Variants in PTPRZ1 observed in about 807,000 individuals in gnomAD.
The protein encoded by PTPRZ1 is receptor-type tyrosine-protein phosphatase zeta.
Under a neutral mutation model 214.1 loss-of-function variants are expected in PTPRZ1, and 82 were observed. The ratio of observed to expected loss-of-function variants is 0.38; its 90% CI spans 0.32 to 0.46. The LOEUF (loss-of-function observed/expected upper bound fraction) is 0.46, where lower values mean the gene tolerates loss of function less well. PTPRZ1 is among the 20% of genes least tolerant of loss of function. The pLI is 1.00. For synonymous variants in PTPRZ1, 945 were observed against 987.9 expected (o/e 0.96, Z 0.81); for missense variants, 2,603 against 2,748.7 (o/e 0.95, Z 1.19).
In PTPRZ1 at chr7:121,996,536, T is replaced by A. The variant is rs1444246330; in HGVS notation, c.1083T>A (p.His361Gln). 6.4e-7 allele frequency: 1 copy of A among 1,563,726 alleles called. No homozygotes were observed. Among genetic ancestry groups the A allele is most frequent in the South Asian group, 1.1e-5 (1 of 89,756 alleles). Residue 361 changes from histidine (H) to glutamine (Q), a missense_variant, in exon 9 of 30, where the codon CAT becomes CAA. By Grantham distance (24) the His-to-Gln change is conservative. Around this residue, in one of 6 missense-constraint regions of PTPRZ1, gnomAD observed 244 missense variants for 333.2 expected, o/e 0.73. Transcript: ENST00000393386. The stretch of plus-strand genomic sequence containing the variant: ...TGGATGGAGAGGACCAAACCAAGCA[T>A]GAATTTTTGACAGATGGCTATCAAG... ...QQLDGEDQTK[H>Q]EFLTDGYQDL...
intron 24 of PTPRZ1, 26 bp downstream of exon 24, chr7:122,051,547 A>G: frequency 6.3e-7 from 1 of 1,582,436 alleles, no homozygotes; most frequent in Non-Finnish European, 8.6e-7. Flanking sequence ...CCTTGAAAAA[A>G]CAACTTTTTT....
In PTPRZ1 at chr7:122,040,934, C is replaced by T; in HGVS notation, c.5756C>T (p.Ala1919Val). 1.3e-6 allele frequency: 2 copies of T among 1,598,402 alleles called. No individual in the cohort carries two copies. Among genetic ancestry groups the T allele is most frequent in the Non-Finnish European group, 8.6e-7 (1 of 1,168,548 alleles). The change falls in exon 21 of 30, where the codon GCC (alanine) becomes GTC (valine). Residue 1919 changes from alanine to valine, a missense_variant. Transcript: ENST00000393386. Reference sequence around the variant, plus strand: ...GTGCTGACCTTTGTGAGAAAGGCAGCCTATGCCAAGCGCCATGCAGTGGGG... The same window carrying T: ...GTGCTGACCTTTGTGAGAAAGGCAGTCTATGCCAAGCGCCATGCAGTGGGG... Reference protein sequence around the residue: ...LPVLTFVRKAAYAKRHAVGPV... With the variant: ...LPVLTFVRKAVYAKRHAVGPV...
At chr7:121,971,683 G>T (rs1022293292) in intron 3 of PTPRZ1, among the ~76,000 whole-genome samples, 1 of 152,160 alleles carries the variant, frequency 6.6e-6, no homozygotes. Flanking sequence ...ATAGTTCATG[G>T]TACATCGTAA....
chr7:121,969,991 C>T (rs548976049), intron 3 of PTPRZ1, among the ~76,000 whole-genome samples: 1 of 142,146 alleles, frequency 7.0e-6, no homozygotes, highest in East Asian at 2.2e-4. Flanking sequence ...GTGATGTTCC[C>T]CTTCCTGTGT....
intron 4 of PTPRZ1, among the ~76,000 whole-genome samples, chr7:121,972,982 T>C (rs1328861038): frequency 6.6e-6 from 1 of 152,184 alleles, no homozygotes; most frequent in Non-Finnish European, 1.5e-5. Flanking sequence ...GGAGAATCCT[T>C]TGATTTAAAT....
chr7:122,024,991 A>C (rs1205979317), intron 13 of PTPRZ1, among the ~76,000 whole-genome samples: 1 of 152,146 alleles, frequency 6.6e-6, no homozygotes, highest in Admixed American at 6.5e-5. Context: ...ATTGAGGCTA[A>C]GGTAGGTAAG....
chr7:121,923,841 T>C (rs958037452), intron 1 of PTPRZ1, among the ~76,000 whole-genome samples: 3 of 151,980 alleles, frequency 2.0e-5, no homozygotes, highest in Admixed American at 6.6e-5. Flanking sequence ...AATAAATATA[T>C]GTATTTTTAT....
chr7:121,927,084 T>C (rs1795787279), intron 1 of PTPRZ1, among the ~76,000 whole-genome samples: 1 of 152,148 alleles, frequency 6.6e-6, no homozygotes, highest in Non-Finnish European at 1.5e-5. Flanking sequence ...TTCTGAAATG[T>C]CCTTGAGATA....
chr7:121,964,416 A>T (rs1386287547), intron 2 of PTPRZ1, among the ~76,000 whole-genome samples: 1 of 152,180 alleles, frequency 6.6e-6, no homozygotes, highest in East Asian at 1.9e-4. Flanking sequence ...AGCCCCTTAT[A>T]AAACCAGAAG....
rs1266940683 is a variant in PTPRZ1 at position 121,996,366 on chromosome 7, T to A, written c.929-16T>A. The A allele has an allele frequency of 1.9e-6, 3 of 1,571,416 alleles. No homozygotes were observed. Among genetic ancestry groups the A allele is most frequent in the Non-Finnish European group, 2.6e-6 (3 of 1,157,662 alleles). ...GGCTAAGTTCTATCAACAACTGTAC[T>A]TTTTTCTCTCTGAAGTTTGTAGTTC... On this transcript the variant is annotated splice_polypyrimidine_tract_variant and intron_variant, in intron 8 of 29. Coordinates refer to ENST00000393386, the MANE Select transcript of PTPRZ1 (RefSeq NM_002851.3).
rs141561756 is a variant in PTPRZ1 at position 121,997,990 on chromosome 7, G to T, written c.1224G>T (p.Met408Ile). 1 of 1,612,694 alleles carries T rather than the reference G, an allele frequency of 6.2e-7. No homozygotes were observed. The highest frequency in any genetic ancestry group is 1.3e-5 in the African/African-American group (1 of 74,858). The change falls in exon 10 of 30, where the codon ATG becomes ATT. Residue 408 changes from methionine to isoleucine, a missense_variant. Physicochemically the swap from Met to Ile is conservative, Grantham distance 10. Around this residue, in one of 6 missense-constraint regions of PTPRZ1, gnomAD observed 244 missense variants for 333.2 expected, o/e 0.73. Transcript: ENST00000393386. ...GKYSDQLIVD[M>I]PTDNPELDLF... ...ACAGCGACCAACTGATTGTCGACAT[G>T]CCTACTGATAATCCTGGTAAGTGCC...
intron 2 of PTPRZ1, among the ~76,000 whole-genome samples, chr7:121,956,719 G>A (rs1235673093): frequency 2.0e-5 from 3 of 152,208 alleles, no homozygotes; most frequent in African/African-American, 7.2e-5. Context: ...CTGGAAGGTG[G>A]AAAGGGAGAA....
intron 1 of PTPRZ1, among the ~76,000 whole-genome samples, chr7:121,886,953 C>T (rs533760289): frequency 7.9e-5 from 12 of 152,222 alleles, no homozygotes; most frequent in African/African-American, 2.6e-4. Context: ...GCTACCTGTC[C>T]AGCTTTACTT....
At chr7:121,884,816 CTG>C (rs1794350178) in intron 1 of PTPRZ1, among the ~76,000 whole-genome samples, 1 of 152,142 alleles carries the variant, frequency 6.6e-6, no homozygotes, top group African/African-American at 2.4e-5. Context: ...GATTTTAAGT[CTG>C]TGGAAATTCA....
chr7:122,006,789 C>G (rs1412247425), intron 11 of PTPRZ1, among the ~76,000 whole-genome samples: 1 of 152,004 alleles, frequency 6.6e-6, no homozygotes, highest in Non-Finnish European at 1.5e-5. Context: ...CAAGTGGAGT[C>G]ATGGAGGTTA....
chr7:122,050,044 A>G (rs1792121158), intron 23 of PTPRZ1, among the ~76,000 whole-genome samples: 1 of 152,194 alleles, frequency 6.6e-6, no homozygotes, highest in Non-Finnish European at 1.5e-5. Context: ...AAAAAAAGTA[A>G]CATTGTATCT....
chr7:122,023,721 T>TTATATGTATAATTTTATATATA (rs1799110078), intron 13 of PTPRZ1, among the ~76,000 whole-genome samples: 3 of 132,676 alleles, frequency 2.3e-5, no homozygotes, highest in Middle Eastern at 7.5e-3. Flanking sequence ...TAATTATATA[T>TTATATGTATAATTTTATATATA]ATTATATGTA....
chr7:121,923,224 T>C (rs1303756562), intron 1 of PTPRZ1, among the ~76,000 whole-genome samples: 1 of 152,184 alleles, frequency 6.6e-6, no homozygotes, highest in Non-Finnish European at 1.5e-5. Context: ...AGGTCTTTAA[T>C]GGTTCATCTC....
chr7:122,037,375 C>T (rs754508129), intron 18 of PTPRZ1, among the ~76,000 whole-genome samples: 1 of 152,096 alleles, frequency 6.6e-6, no homozygotes, highest in Non-Finnish European at 1.5e-5. Context: ...AAAAAATTTC[C>T]ATAGTAGTAC....
Sources: gnomAD v4.1 joint callset for allele counts (sites outside exome capture counted in the v4.1 genomes callset) on GRCh38, gnomAD v4.1.1 for gene constraint, gnomAD v4.1.1 regional missense constraint, MANE v1.5 for transcripts, NCBI Gene and HGNC (gene_info 2026-07-23, HGNC 2026-07-21) for gene names.